TSPYL2: variants seen among roughly 807,000 people sequenced by gnomAD.
TSPYL2 encodes TSPY like 2, also known as testis-specific Y-encoded-like protein 2.
Under a neutral mutation model 33.0 loss-of-function variants are expected in TSPYL2, and 9 were observed. That is an observed-to-expected ratio of 0.27 (90% CI 0.16 to 0.48). The LOEUF is 0.48. Ranked by LOEUF, TSPYL2 falls within the 20% of genes least tolerant of loss-of-function variation. The pLI is 0.99. For synonymous variants in TSPYL2, 330 were observed against 233.6 expected (o/e 1.41, Z -3.77); for missense variants, 636 against 586.2 (o/e 1.08, Z -0.88).
Position 53,087,966 on chromosome X carries a change from C to T in TSPYL2, c.*27C>T, listed in dbSNP as rs377642189. The T allele has an allele frequency of 1.7e-5, 20 of 1,194,193 alleles. No homozygotes were observed. Among genetic ancestry groups the T allele is most frequent in the African/African-American group, 7.0e-5 (4 of 57,162 alleles). ...GGTTTTCCCCTTTTGGGGATCACCT[C>T]TCTGTATCCCCCACCCACTATCCCA... On this transcript the variant is annotated 3_prime_UTR_variant, in exon 7 of 7. Coordinates refer to ENST00000375442, the MANE Select transcript of TSPYL2 (RefSeq NM_022117.4).
At position 53,083,075 on chromosome X, in the gene TSPYL2, C is replaced by CGGA. The variant is rs1569227585; in HGVS notation, c.584_586dup (p.Arg195dup). The CGGA allele has an allele frequency of 1.7e-6, 2 of 1,198,549 alleles. No individual in the cohort carries two copies. Among genetic ancestry groups the CGGA allele is most frequent in the Non-Finnish European group, 2.3e-6 (2 of 886,572 alleles). On this transcript the variant is annotated inframe_insertion, in exon 1 of 7. Coordinates refer to ENST00000375442, the MANE Select transcript of TSPYL2 (RefSeq NM_022117.4). ...GAGCAGCAGGAGGCGGCGGCGGCGG[C>CGGA]GGAGGAGGAAGCAGAGGAAGGTGAA... is the stretch of plus-strand genomic sequence containing the variant.
rs1204823975 is a variant in TSPYL2 at position 53,087,711 on chromosome X, T to C, written c.1919-65T>C. ...CTATGGTCTCTGTTCCCTTTTAGAGTGACACCTATCTGCTCATCTAACTGC... is the reference window on the plus strand; with the variant it reads ...CTATGGTCTCTGTTCCCTTTTAGAGCGACACCTATCTGCTCATCTAACTGC... On this transcript the variant is annotated intron_variant, in intron 6 of 6. Coordinates refer to ENST00000375442, the MANE Select transcript of TSPYL2 (RefSeq NM_022117.4). The C allele has an allele frequency of 3.6e-6, 4 of 1,110,745 alleles. No individual in the cohort carries two copies. The Admixed American group carries it at 1.1e-4, about 30-fold the overall frequency. The allele number at this position is 1,110,745 out of a possible 1,213,427, so 91.5% of individuals were successfully genotyped here.
rs782639859 is a variant in TSPYL2 at position 53,082,878 on chromosome X, G to T, written c.380G>T (p.Ser127Ile). 1 of 1,210,650 alleles carries T rather than the reference G, an allele frequency of 8.3e-7. No homozygotes were observed. The highest frequency in any genetic ancestry group is 1.8e-5 in the South Asian group (1 of 56,810). Reference sequence around the variant, plus strand: ...CCCACTCCTGAGGCCTCGGGGGGGAGCCTGGAAATCGATTTTCAGGTTGTA... The same window carrying T: ...CCCACTCCTGAGGCCTCGGGGGGGATCCTGGAAATCGATTTTCAGGTTGTA... The part of the protein sequence containing the change: ...ALPTPEASGG[S>I]LEIDFQVVQS... Residue 127 changes from serine (S) to isoleucine (I), a missense_variant, in exon 1 of 7, where the codon AGC becomes ATC. Coordinates refer to ENST00000375442, the MANE Select transcript of TSPYL2 (RefSeq NM_022117.4).
Position 53,082,401 on chromosome X carries a change from T to A in TSPYL2, c.-98T>A. 2 of 833,876 alleles carry A rather than the reference T, an allele frequency of 2.4e-6. No individual in the cohort carries two copies. Among genetic ancestry groups the A allele is most frequent in the Non-Finnish European group, 3.2e-6 (2 of 622,007 alleles). 68.7% of individuals were successfully genotyped at this position (833,876 alleles called of 1,213,427 possible). ...TGGTGAGGAGAGCTGGTTGCGTGAG[T>A]CTCCTCAGCTCTGCTTACCGGTGCG... On this transcript the variant is annotated 5_prime_UTR_variant, in exon 1 of 7. Transcript: ENST00000375442.
In TSPYL2 at chrX:53,085,978, A is replaced by T; in HGVS notation, c.1586A>T (p.Glu529Val). ...EDNNKNTDDN[E>V]ENPNNNENTY... ...AATAACAAGAACACTGATGACAACG[A>T]AGAGAACCCTAACAACAACGAGAAC... Residue 529 changes from glutamate (E) to valine (V), a missense_variant, in exon 6 of 7, where the codon GAA (glutamate) becomes GTA (valine). Transcript: ENST00000375442. 8.4e-7 allele frequency: 1 copy of T among 1,195,505 alleles called. No individual in the cohort carries two copies. Among genetic ancestry groups the T allele is most frequent in the Non-Finnish European group, 1.1e-6 (1 of 887,111 alleles).
At chrX:53,084,338 G>A (rs1932704750) in intron 1 of TSPYL2, among the ~76,000 whole-genome samples, 1 of 112,077 alleles carries the variant, frequency 8.9e-6, no homozygotes, top group African/African-American at 3.3e-5. Context: ...CACATGGATT[G>A]TCGACACCCT....
chrX:53,085,455 T>C (rs1932745419), intron 5 of TSPYL2, 134 bp downstream of exon 5: 15 of 745,315 alleles, frequency 2.0e-5, no homozygotes, highest in Non-Finnish European at 2.9e-5. Context: ...TGGGAAATCA[T>C]GCCCAGAAAT....
rs781935136 is a variant in TSPYL2, at chrX:53,088,106, T to C, written c.*167T>C. On this transcript the variant is annotated 3_prime_UTR_variant, in exon 7 of 7. Coordinates refer to ENST00000375442, the MANE Select transcript of TSPYL2 (RefSeq NM_022117.4). ...TATGGTTTAGTCATTGCAGAGTTCTTATTTTGGGGGGAGGGAAAGGGGGCT... is the reference window on the plus strand; with the variant it reads ...TATGGTTTAGTCATTGCAGAGTTCTCATTTTGGGGGGAGGGAAAGGGGGCT... 4 of 478,744 alleles carry C rather than the reference T, an allele frequency of 8.4e-6. No homozygotes were observed. The highest frequency in any genetic ancestry group is 1.4e-5 in the Non-Finnish European group (4 of 289,880). 39.5% of individuals were successfully genotyped at this position (478,744 alleles called of 1,213,427 possible). A position where few individuals can be genotyped will look rare whatever the true frequency, so the allele number is the denominator to read the frequency against.
chrX:53,085,195 GCTGT>G (rs781965676), intron 4 of TSPYL2, 28 bp from the exon 5 acceptor site: 8 of 1,185,359 alleles, frequency 6.7e-6, no homozygotes, highest in Non-Finnish European at 8.0e-6. Flanking sequence ...TGTACTAATG[GCTGT>G]CTTATTCCTT....
Position 53,084,826 on chromosome X carries a change from A to C in TSPYL2, c.957A>C (p.Thr319=). The C allele has an allele frequency of 8.3e-7, 1 of 1,211,519 alleles. No homozygotes were observed. ...ACTTCCAGACTAACCCCTACTTCAC[A>C]AACATGGTGATTGTCAAGGAGTTCC... ...KLYFQTNPYF[T]NMVIVKEFQR... is the part of the protein sequence containing the mutation. Residue 319 remains threonine (T), a synonymous_variant, in exon 3 of 7, where the codon ACA becomes ACC. Coordinates refer to ENST00000375442, the MANE Select transcript of TSPYL2 (RefSeq NM_022117.4).
intron 6 of TSPYL2, chrX:53,086,534 T>TAAC (rs2146700433): frequency 2.3e-6 from 1 of 433,091 alleles, no homozygotes; most frequent in East Asian, 3.9e-5. Flanking sequence ...TAGATGGTTG[T>TAAC]AACAGCAGAA....
In TSPYL2 at chrX:53,088,055, T is replaced by G; in HGVS notation, c.*116T>G. ...TTGCACTTCTGGGGGGTGACCGACT[T>G]CGTACACGGGTTTAAAGTTTATTTT... is the stretch of plus-strand genomic sequence containing the variant. On this transcript the variant is annotated 3_prime_UTR_variant, in exon 7 of 7. Transcript: ENST00000375442. 2 of 668,957 alleles carry G rather than the reference T, an allele frequency of 3.0e-6. No individual in the cohort carries two copies. The highest frequency in any genetic ancestry group is 5.6e-5 in the South Asian group (2 of 35,669). The allele number at this position is 668,957 out of a possible 1,213,427, so 55.1% of individuals were successfully genotyped here.
In TSPYL2 at chrX:53,084,745, C is replaced by T. The variant is rs782786419; in HGVS notation, c.886-10C>T. Reference sequence around the variant, plus strand: ...GGGACAGATTCCACCATCACCCCCACCTGGAGCAGGTACAGGATCTCAGAC... The same window carrying T: ...GGGACAGATTCCACCATCACCCCCATCTGGAGCAGGTACAGGATCTCAGAC... On this transcript the variant is annotated splice_polypyrimidine_tract_variant and intron_variant, in intron 2 of 6. Transcript: ENST00000375442. 2.2e-5 allele frequency: 27 copies of T among 1,204,182 alleles called. No individual in the cohort carries two copies. The highest frequency in any genetic ancestry group is 2.8e-5 in the Non-Finnish European group (25 of 889,470).
chrX:53,088,014 G>C lies in TSPYL2; in HGVS notation c.*75G>C, dbSNP rs1022260859. The stretch of plus-strand genomic sequence containing the variant: ...CCATTTGCCCTCCTCCTCAGCTAGG[G>C]CCACGCGGCCCCACATTGCACTTCT... On this transcript the variant is annotated 3_prime_UTR_variant, in exon 7 of 7. Transcript: ENST00000375442. 2.9e-6 allele frequency: 3 copies of C among 1,033,912 alleles called. No homozygotes were observed. The highest frequency in any genetic ancestry group is 4.0e-6 in the Non-Finnish European group (3 of 752,343). The allele number at this position is 1,033,912 out of a possible 1,213,427, so 85.2% of individuals were successfully genotyped here.
Position 53,082,878 on chromosome X carries a change from G to A in TSPYL2, c.380G>A (p.Ser127Asn). Reference protein sequence around the residue: ...ALPTPEASGGSLEIDFQVVQS... With the variant: ...ALPTPEASGGNLEIDFQVVQS... ...CCCACTCCTGAGGCCTCGGGGGGGA[G>A]CCTGGAAATCGATTTTCAGGTTGTA... Residue 127 changes from serine (S) to asparagine (N), a missense_variant, in exon 1 of 7, where the codon AGC (serine) becomes AAC (asparagine). Physicochemically the swap from Ser to Asn is conservative, Grantham distance 46. Around this residue, in one of 3 missense-constraint regions of TSPYL2, gnomAD observed 231 missense variants for 201.6 expected, o/e 1.15. Coordinates refer to ENST00000375442, the MANE Select transcript of TSPYL2 (RefSeq NM_022117.4). The A allele has an allele frequency of 1.7e-6, 2 of 1,210,651 alleles. No homozygotes were observed. The highest frequency in any genetic ancestry group is 1.8e-5 in the South Asian group (1 of 56,810).
chrX:53,085,517 C>G, intron 5 of TSPYL2, 114 bp from the exon 6 acceptor site: 1 of 866,382 alleles, frequency 1.2e-6, no homozygotes, highest in African/African-American at 2.0e-5. Flanking sequence ...CCACCCTAGC[C>G]CCATTCCTGG....
chrX:53,083,970 G>A (rs1387872447), intron 1 of TSPYL2, among the ~76,000 whole-genome samples: 7 of 111,669 alleles, frequency 6.3e-5, no homozygotes, highest in Admixed American at 1.9e-4. Context: ...AACATGAGTC[G>A]AACATCCTAA....
In TSPYL2 at chrX:53,082,590, CGCCGCCGCT is replaced by C. The variant is rs1932642828; in HGVS notation, c.93_101del (p.Pro32_Leu34del). 1 of 1,152,327 alleles carries C rather than the reference CGCCGCCGCT, an allele frequency of 8.7e-7. No homozygotes were observed. The highest frequency in any genetic ancestry group is 1.9e-5 in the South Asian group (1 of 52,190). 95.0% of individuals were successfully genotyped at this position (1,152,327 alleles called of 1,213,427 possible). On this transcript the variant is annotated inframe_deletion, in exon 1 of 7. Coordinates refer to ENST00000375442, the MANE Select transcript of TSPYL2 (RefSeq NM_022117.4). ...CGCGACCCGCCCCCGCCGCCGCCGC[CGCCGCCGCT>C]CCTCCGACTGCCGCTGCCTCCACCC...
Position 53,083,248 on chromosome X carries a change from C to T in TSPYL2, c.750C>T (p.Pro250=). The change falls in exon 1 of 7, where the codon CCC becomes CCT. Residue 250 remains proline, a synonymous_variant. Coordinates refer to ENST00000375442, the MANE Select transcript of TSPYL2 (RefSeq NM_022117.4). The stretch of plus-strand genomic sequence containing the variant: ...GCAAGTTCATCCAGATGCGAAGACC[C>T]TTCCTGGAGCGCAGAGACCTCATCA... ...LKRKFIQMRR[P]FLERRDLIIQ... is the part of the protein sequence containing the mutation. The T allele has an allele frequency of 4.1e-6, 5 of 1,210,871 alleles. No homozygotes were observed. Among genetic ancestry groups the T allele is most frequent in the Middle Eastern group, 2.3e-4 (1 of 4,348 alleles).
Sources: allele counts gnomAD v4.1 joint callset (sites outside exome capture counted in the v4.1 genomes callset), GRCh38; gene constraint gnomAD v4.1.1; regional missense constraint gnomAD v4.1.1; transcripts MANE v1.5; gene names NCBI Gene and HGNC (gene_info 2026-07-23, HGNC 2026-07-21).